Variants in CNTN4 observed in about 807,000 individuals in gnomAD.
The protein encoded by CNTN4 is contactin-4.
Under a neutral mutation model 122.5 loss-of-function variants are expected in CNTN4, and 77 were observed. The ratio of observed to expected loss-of-function variants is 0.63; its 90% confidence interval spans 0.52 to 0.76. The LOEUF (loss-of-function observed/expected upper bound fraction) is 0.76. CNTN4 is among the 30% of genes least tolerant of loss of function. The probability of loss-of-function intolerance (pLI) is 0.00; values close to 1 mark genes in which losing one functional copy is unlikely to be tolerated. For synonymous variants in CNTN4, 512 were observed against 447.0 expected (o/e 1.15, Z -1.83); for missense variants, 1,256 against 1,259.1 (o/e 1.00, Z 0.04).
intron 3 of CNTN4, among the ~76,000 whole-genome samples, chr3:2,541,497 T>G (rs1182396584): frequency 6.6e-6 from 1 of 152,142 alleles, no homozygotes; most frequent in African/African-American, 2.4e-5. Context: ...TAGCACTTAG[T>G]AAAGCTTCGT....
intron 2 of CNTN4, among the ~76,000 whole-genome samples, chr3:2,336,543 G>A (rs990119569): frequency 1.3e-5 from 2 of 152,096 alleles, no homozygotes; most frequent in Admixed American, 6.6e-5. Flanking sequence ...ATTACTCACA[G>A]AAAACTTAGC....
chr3:2,168,555 CATT>C (rs1676470625), intron 2 of CNTN4, among the ~76,000 whole-genome samples: 1 of 151,768 alleles, frequency 6.6e-6, no homozygotes, highest in South Asian at 2.1e-4. Context: ...TAGAAAATGA[CATT>C]ATAAAACAAA....
chr3:2,147,093 A>C (rs1262465017), intron 2 of CNTN4, among the ~76,000 whole-genome samples: 2 of 151,942 alleles, frequency 1.3e-5, no homozygotes, highest in East Asian at 3.9e-4. Context: ...ATTGGCCAGG[A>C]TGGTCTTGAT....
chr3:2,215,138 A>T (rs975052514), intron 2 of CNTN4, among the ~76,000 whole-genome samples: 1 of 152,328 alleles, frequency 6.6e-6, no homozygotes, highest in South Asian at 2.1e-4. Context: ...TAAATATTCC[A>T]AAGTGAATGT....
At chr3:2,713,417 C>T (rs557115307) in intron 4 of CNTN4, among the ~76,000 whole-genome samples, 1 of 151,984 alleles carries the variant, frequency 6.6e-6, no homozygotes, top group Admixed American at 6.6e-5. Flanking sequence ...AGTGGAAAGT[C>T]GTATAGAGAT....
At chr3:2,109,216 C>T (rs1482630818) in intron 2 of CNTN4, among the ~76,000 whole-genome samples, 3 of 152,122 alleles carry the variant, frequency 2.0e-5, no homozygotes, top group African/African-American at 7.2e-5. Flanking sequence ...AGTATTGGTG[C>T]ATAACCCCTA....
chr3:2,982,014 G>T (rs140468594), intron 13 of CNTN4, among the ~76,000 whole-genome samples: 103 of 152,130 alleles, frequency 6.8e-4, no homozygotes, highest in African/African-American at 2.5e-3. Flanking sequence ...CTCCAGCCTG[G>T]GTGACACAGC....
At chr3:2,760,354 C>T (rs1013141890) in intron 6 of CNTN4, among the ~76,000 whole-genome samples, 4 of 151,998 alleles carry the variant, frequency 2.6e-5, no homozygotes, top group African/African-American at 4.8e-5. Flanking sequence ...TTTTTGTATA[C>T]GTTGAAGTAT....
chr3:2,238,731 C>G lies in CNTN4; in HGVS notation c.-144-100447C>G, dbSNP rs1264215090. The stretch of plus-strand genomic sequence containing the variant: ...TGTCATTTTTAATTATCAGTTGGCT[C>G]TGTGTTTTTTTTTTGAGACGGAGTC... On this transcript the variant is annotated intron_variant, in intron 2 of 24. Transcript: ENST00000418658. 2 of 73,236 alleles carry G rather than the reference C, an allele frequency of 2.7e-5. 1 individual carries two copies. Among genetic ancestry groups the G allele is most frequent in the African/African-American group, 1.3e-4 (2 of 15,418 alleles). The allele number at this position is 73,236 out of a possible 1,614,324, so 4.5% of individuals were successfully genotyped here.
chr3:2,104,118 C>T (rs1038192351), intron 2 of CNTN4, among the ~76,000 whole-genome samples: 3 of 151,938 alleles, frequency 2.0e-5, no homozygotes, highest in African/African-American at 4.8e-5. Flanking sequence ...CCCAGAAGCC[C>T]CTGTTCATTT....
chr3:2,508,604 C>A (rs147967923), intron 3 of CNTN4, among the ~76,000 whole-genome samples: 1 of 152,144 alleles, frequency 6.6e-6, no homozygotes, highest in Non-Finnish European at 1.5e-5. Flanking sequence ...TTAGCCTTGA[C>A]AAGAGTGTTG....
chr3:2,340,868 C>G (rs1267299220), intron 3 of CNTN4, among the ~76,000 whole-genome samples: 1 of 151,680 alleles, frequency 6.6e-6, no homozygotes. Flanking sequence ...AAAACAGTAA[C>G]TTTATTATTT....
intron 2 of CNTN4, among the ~76,000 whole-genome samples, chr3:2,301,215 T>C (rs1429799998): frequency 6.6e-6 from 1 of 152,174 alleles, no homozygotes; most frequent in African/African-American, 2.4e-5. Context: ...GAAAAAACTT[T>C]GTTAGCACAC....
At chr3:2,346,660 T>C (rs1322359879) in intron 3 of CNTN4, among the ~76,000 whole-genome samples, 1 of 152,202 alleles carries the variant, frequency 6.6e-6, no homozygotes, top group Non-Finnish European at 1.5e-5. Flanking sequence ...GTTGTATTGT[T>C]TTCTATCCTT....
intron 3 of CNTN4, among the ~76,000 whole-genome samples, chr3:2,432,294 G>A (rs1368343870): frequency 1.3e-5 from 2 of 152,150 alleles, no homozygotes; most frequent in African/African-American, 4.8e-5. Flanking sequence ...TTTATGGAAC[G>A]TTTTGTATAT....
intron 4 of CNTN4, among the ~76,000 whole-genome samples, chr3:2,710,903 A>G (rs71311718): frequency 0.064 from 9,789 of 152,206 alleles, 403 homozygotes; most frequent in Middle Eastern, 0.099. Context: ...TTTTTAACGT[A>G]CAGCATGAAA....
At chr3:3,030,479 C>A (rs1308358897) in intron 15 of CNTN4, among the ~76,000 whole-genome samples, 2 of 152,158 alleles carry the variant, frequency 1.3e-5, no homozygotes, top group Non-Finnish European at 2.9e-5. Flanking sequence ...ATACAGAGTT[C>A]TAAAGTATCC....
chr3:2,482,179 T>C (rs1441514919), intron 3 of CNTN4, among the ~76,000 whole-genome samples: 3 of 152,156 alleles, frequency 2.0e-5, no homozygotes, highest in Non-Finnish European at 4.4e-5. Flanking sequence ...GATAGTGATA[T>C]GGACAATGAA....
chr3:2,252,102 A>T lies in CNTN4; in HGVS notation c.-144-87076A>T, dbSNP rs139075484. ...TACATTCACATTTATAGGAATCAGG[A>T]TATTGCCAGATACGCACTGATTTAA... On this transcript the variant is annotated intron_variant, in intron 2 of 24. Coordinates refer to ENST00000418658, the MANE Select transcript of CNTN4 (RefSeq NM_175607.3). 9.8e-4 allele frequency among the ~76,000 whole-genome samples: 149 copies of T among 152,124 alleles called. 2 individuals are homozygous for T. The East Asian group carries it at 0.027, about 28-fold the overall frequency.
Sources: allele counts gnomAD v4.1 joint callset (sites outside exome capture counted in the v4.1 genomes callset), GRCh38; gene constraint gnomAD v4.1.1; transcripts MANE v1.5; gene names NCBI Gene and HGNC (gene_info 2026-07-23, HGNC 2026-07-21).